GPC6: variants seen among roughly 807,000 people sequenced by gnomAD.
GPC6 encodes glypican-6.
A neutral mutation model predicts 55.2 loss-of-function variants in GPC6; 14 were observed. The observed-to-expected ratio is 0.25, with a 90% CI of 0.17 to 0.40. GPC6 has a LOEUF of 0.40. GPC6 is among the 10% of genes least tolerant of loss of function. GPC6 has a pLI of 1.00. For missense variants in GPC6, 641 were observed against 708.5 expected, an observed-to-expected ratio of 0.90 and a Z score of 1.08; for synonymous variants, 278 against 259.6, an observed-to-expected ratio of 1.07 and a Z score of -0.68.
intron 1 of GPC6, among the ~76,000 whole-genome samples, chr13:93,387,737 A>G (rs1875461556): frequency 6.6e-6 from 1 of 152,162 alleles, no homozygotes. Flanking sequence ...AATTTGCTCA[A>G]CCAAACTCTT....
intron 2 of GPC6, among the ~76,000 whole-genome samples, chr13:93,675,196 T>A (rs1320404817): frequency 2.6e-5 from 4 of 152,160 alleles, no homozygotes; most frequent in Non-Finnish European, 4.4e-5. Flanking sequence ...CTATTTCTAA[T>A]GTTTATGCAA....
At chr13:94,289,640 C>T (rs1490779552) in intron 5 of GPC6, among the ~76,000 whole-genome samples, 1 of 152,158 alleles carries the variant, frequency 6.6e-6, no homozygotes, top group Non-Finnish European at 1.5e-5. Flanking sequence ...CTTTACATTG[C>T]TACTGGTTCC....
At chr13:93,456,010 G>A (rs868542898) in intron 1 of GPC6, among the ~76,000 whole-genome samples, 2 of 152,122 alleles carry the variant, frequency 1.3e-5, no homozygotes, top group Non-Finnish European at 2.9e-5. Flanking sequence ...GCATTTCTTT[G>A]AAGTTGATGT....
At position 94,405,673 on chromosome 13, in the gene GPC6, G is replaced by A. The variant is rs559376347; in HGVS notation, c.*2456G>A. ...CTAAACACACAGTTAATATATAAAC[G>A]CCTGCTTCATTTGTTTCAACACCTT... On this transcript the variant is annotated 3_prime_UTR_variant, in exon 9 of 9. Coordinates refer to ENST00000377047, the MANE Select transcript of GPC6 (RefSeq NM_005708.5). 5.3e-5 allele frequency: 8 copies of A among 152,110 alleles called. No individual in the cohort carries two copies. The highest frequency in any genetic ancestry group is 1.9e-4 in the African/African-American group (8 of 41,502). The allele number at this position is 152,110 out of a possible 1,614,324, so 9.4% of individuals were successfully genotyped here.
chr13:94,024,787 A>C (rs1177912070), intron 3 of GPC6, among the ~76,000 whole-genome samples: 2 of 152,230 alleles, frequency 1.3e-5, no homozygotes, highest in Non-Finnish European at 2.9e-5. Context: ...GAATGAATGC[A>C]ATCAATAGCC....
chr13:93,488,198 C>A (rs923816160), intron 1 of GPC6, among the ~76,000 whole-genome samples: 1 of 152,050 alleles, frequency 6.6e-6, no homozygotes, highest in Non-Finnish European at 1.5e-5. Flanking sequence ...CAAATCCCAA[C>A]TATTAGTGAG....
At chr13:93,916,333 G>T (rs1877292155) in intron 3 of GPC6, among the ~76,000 whole-genome samples, 1 of 152,092 alleles carries the variant, frequency 6.6e-6, no homozygotes, top group African/African-American at 2.4e-5. Flanking sequence ...GGCACTTCTT[G>T]CTGCTTTTTG....
At chr13:94,196,745 T>C (rs185289077) in intron 4 of GPC6, among the ~76,000 whole-genome samples, 76 of 152,288 alleles carry the variant, frequency 5.0e-4, no homozygotes, top group African/African-American at 1.6e-3. Flanking sequence ...AAACATGCCT[T>C]TATTTGGTTC....
chr13:94,099,172 C>T (rs750449711), intron 4 of GPC6, among the ~76,000 whole-genome samples: 2 of 152,112 alleles, frequency 1.3e-5, no homozygotes, highest in Non-Finnish European at 2.9e-5. Flanking sequence ...AATAATTCAT[C>T]TTAAATGTCT....
intron 3 of GPC6, among the ~76,000 whole-genome samples, chr13:93,911,528 A>G (rs1414274623): frequency 1.3e-5 from 2 of 152,194 alleles, no homozygotes; most frequent in Non-Finnish European, 2.9e-5. Context: ...ATAAACAGGG[A>G]CAATAGCAGC....
chr13:93,557,950 C>T (rs577859003), intron 2 of GPC6, among the ~76,000 whole-genome samples: 70 of 152,132 alleles, frequency 4.6e-4, no homozygotes, highest in African/African-American at 1.6e-3. Context: ...AAACAGTCTA[C>T]AGTCTTTTCT....
chr13:93,933,815 C>G (rs1366590624), intron 3 of GPC6, among the ~76,000 whole-genome samples: 1 of 151,970 alleles, frequency 6.6e-6, no homozygotes, highest in Non-Finnish European at 1.5e-5. Context: ...ATTATTTTAC[C>G]AACTATTGTT....
chr13:93,262,141 C>G lies in GPC6; in HGVS notation c.160+34525C>G, dbSNP rs148654041. Reference sequence around the variant, plus strand: ...GGACAAATTCCTAGTCCTTCCCACTCTCCTTGAAACATTTTCTTGGCTTAT... The same window carrying G: ...GGACAAATTCCTAGTCCTTCCCACTGTCCTTGAAACATTTTCTTGGCTTAT... On this transcript the variant is annotated intron_variant, in intron 1 of 8. Coordinates refer to ENST00000377047, the MANE Select transcript of GPC6 (RefSeq NM_005708.5). Among the ~76,000 whole-genome samples the G allele has an allele frequency of 1.8e-3, 277 of 152,254 alleles. 1 individual carries two copies. The highest frequency in any genetic ancestry group is 6.2e-3 in the African/African-American group (256 of 41,550).
At chr13:93,622,387 A>G (rs1050557748) in intron 2 of GPC6, among the ~76,000 whole-genome samples, 1 of 151,962 alleles carries the variant, frequency 6.6e-6, no homozygotes, top group African/African-American at 2.4e-5. Flanking sequence ...TACATGCCAC[A>G]TTTTTTTCAA....
chr13:93,295,417 A>G (rs1006713720), intron 1 of GPC6, among the ~76,000 whole-genome samples: 10 of 150,700 alleles, frequency 6.6e-5, no homozygotes, highest in African/African-American at 2.2e-4. Context: ...GTCTGAGATC[A>G]GGAGGCCAGA....
At chr13:93,477,593 G>A (rs1287555782) in intron 1 of GPC6, among the ~76,000 whole-genome samples, 4 of 152,148 alleles carry the variant, frequency 2.6e-5, no homozygotes, top group African/African-American at 7.2e-5. Flanking sequence ...TTAGCAAACA[G>A]TTCACAAATA....
chr13:94,173,412 A>T (rs1888642300), intron 4 of GPC6, among the ~76,000 whole-genome samples: 1 of 152,158 alleles, frequency 6.6e-6, no homozygotes, highest in Non-Finnish European at 1.5e-5. Flanking sequence ...TGGTGGTCAC[A>T]GGAGTTTAGA....
At chr13:93,808,150 A>T (rs1886592981) in intron 2 of GPC6, among the ~76,000 whole-genome samples, 1 of 152,226 alleles carries the variant, frequency 6.6e-6, no homozygotes, top group African/African-American at 2.4e-5. Context: ...CATTTTATTC[A>T]GCAAAGACTA....
At chr13:93,803,498 A>G in intron 2 of GPC6, among the ~76,000 whole-genome samples, 1 of 152,188 alleles carries the variant, frequency 6.6e-6, no homozygotes, top group Admixed American at 6.6e-5. Flanking sequence ...ATGCAAAATG[A>G]TACAGCTCCT....
Sources: allele counts gnomAD v4.1 joint callset (sites outside exome capture counted in the v4.1 genomes callset), GRCh38; gene constraint gnomAD v4.1.1; transcripts MANE v1.5; gene names NCBI Gene and HGNC (gene_info 2026-07-23, HGNC 2026-07-21).